ABCC11: variants seen among roughly 807,000 people sequenced by gnomAD.
ABCC11 encodes the protein ATP binding cassette subfamily C member 11.
A neutral mutation model predicts 149.3 loss-of-function variants in ABCC11; 135 were observed. That is an observed-to-expected ratio of 0.90 (90% CI 0.79 to 1.04). ABCC11 has a LOEUF of 1.04. Among genes scored for constraint, ABCC11 ranks in the 50% least tolerant of loss-of-function variants. ABCC11 has a pLI of 0.00. For synonymous variants in ABCC11, 665 were observed against 671.4 expected (o/e 0.99, Z 0.15); for missense variants, 1,680 against 1,722.1 (o/e 0.98, Z 0.43).
At position 48,178,579 on chromosome 16, in the gene ABCC11, C is replaced by T. The variant is rs768687627; in HGVS notation, c.3348+18G>A. The T allele has an allele frequency of 6.2e-7, 1 of 1,613,424 alleles. No homozygotes were observed. Among genetic ancestry groups the T allele is most frequent in the Non-Finnish European group, 8.5e-7 (1 of 1,179,566 alleles). On this transcript the variant is annotated intron_variant, in intron 24 of 29. Transcript: ENST00000356608. ...AACTTGCATGGCTCCCCACACCAGA[C>T]CCAGACCTGAACCCCACCTTCATGT...
intron 23 of ABCC11, among the ~76,000 whole-genome samples, chr16:48,181,024 C>T (rs753790474): frequency 6.6e-6 from 1 of 152,240 alleles, no homozygotes; most frequent in African/African-American, 2.4e-5. Flanking sequence ...CTGCTGTGAA[C>T]AGTGCACCCT....
At chr16:48,216,313 C>T (rs1328795143) in intron 6 of ABCC11, 26 bp from the exon 7 acceptor site, 2 of 1,605,058 alleles carry the variant, frequency 1.2e-6, no homozygotes, top group Non-Finnish European at 1.7e-6. Flanking sequence ...TTGATGGGCA[C>T]AGATGTCACC....
At chr16:48,232,564 AT>A (rs2150923439) in intron 1 of ABCC11, among the ~76,000 whole-genome samples, 1 of 152,300 alleles carries the variant, frequency 6.6e-6, no homozygotes, top group Admixed American at 6.5e-5. Flanking sequence ...TAAAAAAAAA[AT>A]ATGACTTTCA....
At chr16:48,238,069 C>T (rs1192659152) in intron 1 of ABCC11, among the ~76,000 whole-genome samples, 1 of 152,162 alleles carries the variant, frequency 6.6e-6, no homozygotes, top group Non-Finnish European at 1.5e-5. Flanking sequence ...TTCCCCATTA[C>T]CTAGAATAGT....
At chr16:48,236,611 A>G (rs1487260908) in intron 1 of ABCC11, among the ~76,000 whole-genome samples, 2 of 152,250 alleles carry the variant, frequency 1.3e-5, no homozygotes, top group Non-Finnish European at 2.9e-5. Context: ...TCAATGAATG[A>G]AGTACATGCA....
At chr16:48,173,408 T>C (rs1567474460) in intron 26 of ABCC11, among the ~76,000 whole-genome samples, 3 of 152,194 alleles carry the variant, frequency 2.0e-5, no homozygotes. Context: ...ATGGGGATAA[T>C]GAAGGGGCCT....
chr16:48,229,227 C>A (rs1970273526), intron 3 of ABCC11, among the ~76,000 whole-genome samples: 1 of 151,918 alleles, frequency 6.6e-6, no homozygotes, highest in African/African-American at 2.4e-5. Flanking sequence ...AAAGCCCCAA[C>A]AGAAACAATA....
At chr16:48,218,982 C>T (rs1405178267) in intron 6 of ABCC11, among the ~76,000 whole-genome samples, 1 of 152,096 alleles carries the variant, frequency 6.6e-6, no homozygotes, top group Non-Finnish European at 1.5e-5. Context: ...CAAAGCAACA[C>T]AAAGATGTAG....
At chr16:48,201,529 C>G (rs550686353) in intron 14 of ABCC11, among the ~76,000 whole-genome samples, 1 of 123,168 alleles carries the variant, frequency 8.1e-6, no homozygotes, top group Non-Finnish European at 1.6e-5. Context: ...CTAGGCTGGT[C>G]TCAAACTCCT....
chr16:48,215,115 A>T (rs1969233064), intron 8 of ABCC11, 82 bp downstream of exon 8: 2 of 1,579,780 alleles, frequency 1.3e-6, no homozygotes, highest in South Asian at 2.3e-5. Flanking sequence ...CATTAAAAAG[A>T]AAAAAAATCC....
At chr16:48,179,787 G>C (rs904031386) in intron 23 of ABCC11, among the ~76,000 whole-genome samples, 3 of 152,244 alleles carry the variant, frequency 2.0e-5, no homozygotes, top group African/African-American at 7.2e-5. Context: ...ACATTTTTAA[G>C]GTGAAGTAAG....
At chr16:48,212,327 C>A (rs1018599311) in intron 10 of ABCC11, among the ~76,000 whole-genome samples, 37 of 152,302 alleles carry the variant, frequency 2.4e-4, no homozygotes, top group Admixed American at 6.5e-4. Context: ...CTCCCTAGAA[C>A]AGGCGTGTCC....
intron 7 of ABCC11, among the ~76,000 whole-genome samples, chr16:48,215,700 C>T (rs1969289427): frequency 6.6e-6 from 1 of 152,174 alleles, no homozygotes; most frequent in Admixed American, 6.5e-5. Context: ...TTTCTGTTTT[C>T]TCAATTTTAT....
intron 1 of ABCC11, among the ~76,000 whole-genome samples, chr16:48,233,684 AG>A (rs1970544122): frequency 1.3e-5 from 2 of 152,228 alleles, no homozygotes; most frequent in Admixed American, 6.5e-5. Context: ...TCCCCAGTAA[AG>A]GGAATAGAGC....
intron 13 of ABCC11, 71 bp from the exon 14 acceptor site, chr16:48,203,371 A>T (rs1026263727): frequency 2.9e-6 from 4 of 1,383,866 alleles, no homozygotes; most frequent in Non-Finnish European, 4.0e-6. Flanking sequence ...CAGTGTCGAG[A>T]GGAATGGTCT....
intron 24 of ABCC11, among the ~76,000 whole-genome samples, chr16:48,178,271 A>T (rs1596672180): frequency 4.6e-5 from 7 of 152,202 alleles, no homozygotes; most frequent in Admixed American, 4.6e-4. Flanking sequence ...AACCACCATG[A>T]CATAAATGGA....
chr16:48,200,549 C>G lies in ABCC11; in HGVS notation c.1879-70G>C, dbSNP rs916767419. On this transcript the variant is annotated intron_variant, in intron 14 of 29. Coordinates refer to ENST00000356608, the MANE Select transcript of ABCC11 (RefSeq NM_001370497.1). ...AGCCAGGTGTGCTCAAATGGGTAGGCAGATGTAGCAGACAGAACCCCCTCA... is the reference window on the plus strand; with the variant it reads ...AGCCAGGTGTGCTCAAATGGGTAGGGAGATGTAGCAGACAGAACCCCCTCA... The G allele has an allele frequency of 2.9e-5, 43 of 1,485,954 alleles. No homozygotes were observed. In the Admixed American group the frequency reaches 7.0e-4, roughly 24 times the overall value. The allele number at this position is 1,485,954 out of a possible 1,614,324, so 92.0% of individuals were successfully genotyped here.
chr16:48,230,709 A>G, intron 2 of ABCC11, 136 bp from the exon 3 acceptor site: 1 of 1,051,896 alleles, frequency 9.5e-7, no homozygotes, highest in Non-Finnish European at 1.3e-6. Context: ...CATACCGAGA[A>G]TAAGCAGGGG....
At chr16:48,178,727 G>A in intron 23 of ABCC11, 41 bp from the exon 24 acceptor site, 2 of 1,575,702 alleles carry the variant, frequency 1.3e-6, no homozygotes, top group Non-Finnish European at 1.7e-6. Context: ...GAGGCTGCTG[G>A]GGTGTGCTCA....
Sources: allele counts gnomAD v4.1 joint callset (sites outside exome capture counted in the v4.1 genomes callset), GRCh38; gene constraint gnomAD v4.1.1; transcripts MANE v1.5; gene names NCBI Gene and HGNC (gene_info 2026-07-23, HGNC 2026-07-21).